GNAO1: variants seen among roughly 807,000 people sequenced by gnomAD.
The protein encoded by GNAO1 is G protein subunit alpha o1.
For synonymous variants in GNAO1, 164 were observed against 180.7 expected (o/e 0.91, Z 0.74); for missense variants, 166 against 478.7 (o/e 0.35, Z 6.10).
intron 3 of GNAO1, among the ~76,000 whole-genome samples, chr16:56,327,112 A>G (rs947186686): frequency 6.6e-6 from 1 of 152,132 alleles, no homozygotes; most frequent in Admixed American, 6.5e-5. Context: ...TGCCACAGCA[A>G]TGCTGTCTAC....
At chr16:56,196,746 C>T (rs995505463) in intron 2 of GNAO1, among the ~76,000 whole-genome samples, 1 of 152,148 alleles carries the variant, frequency 6.6e-6, no homozygotes, top group African/African-American at 2.4e-5. Context: ...TAGTCTTTAC[C>T]GAAATGGGCA....
intron 4 of GNAO1, chr16:56,329,023 C>T (rs1346819574): frequency 3.9e-6 from 2 of 518,390 alleles, no homozygotes; most frequent in Non-Finnish European, 6.9e-6. Flanking sequence ...GACAACCAAA[C>T]AGTGGAAATT....
intron 2 of GNAO1, among the ~76,000 whole-genome samples, chr16:56,253,771 G>A (rs1379591156): frequency 2.6e-5 from 4 of 152,222 alleles, no homozygotes; most frequent in African/African-American, 9.6e-5. Context: ...CAGAGTGGGG[G>A]ACATGTGGCA....
intron 2 of GNAO1, among the ~76,000 whole-genome samples, chr16:56,237,850 C>T (rs1308634761): frequency 2.0e-5 from 3 of 152,086 alleles, no homozygotes; most frequent in Non-Finnish European, 2.9e-5. Flanking sequence ...AGCAGCTGCA[C>T]GTTGCAAGGC....
chr16:56,330,893 C>T (rs1214352822), intron 4 of GNAO1, among the ~76,000 whole-genome samples: 1 of 152,248 alleles, frequency 6.6e-6, no homozygotes, highest in African/African-American at 2.4e-5. Context: ...TTACCATTCT[C>T]TTCTGTCACT....
Position 56,191,647 on chromosome 16 carries a change from C to G in GNAO1, c.-589C>G, listed in dbSNP as rs1434749983. ...GCCCGGCCCCCTGCCCAACCCTGCC[C>G]AGCGCGCGGGGGTCGGCGAAGGCGC... On this transcript the variant is annotated 5_prime_UTR_variant, in exon 1 of 9. Coordinates refer to ENST00000262493, the MANE Select transcript of GNAO1 (RefSeq NM_020988.3). The surrounding 1 kb of genome is among the most constrained non-coding windows in gnomAD (Gnocchi z 4.7). 1 of 155,718 alleles carries G rather than the reference C, an allele frequency of 6.4e-6. No individual in the cohort carries two copies. The highest frequency in any genetic ancestry group is 1.4e-5 in the Non-Finnish European group (1 of 70,274). The allele number at this position is 155,718 out of a possible 1,614,324, so 9.6% of individuals were successfully genotyped here. A position where few individuals can be genotyped will look rare whatever the true frequency, so the allele number is the denominator to read the frequency against.
intron 2 of GNAO1, among the ~76,000 whole-genome samples, chr16:56,269,096 C>T (rs1017583658): frequency 6.6e-6 from 1 of 152,188 alleles, no homozygotes; most frequent in African/African-American, 2.4e-5. Flanking sequence ...CACAGCTCTC[C>T]GTCAGTGTTC....
intron 6 of GNAO1, chr16:56,345,237 G>A (rs1016991265): frequency 1.2e-5 from 12 of 985,388 alleles, no homozygotes; most frequent in South Asian, 4.7e-5. Flanking sequence ...TGAGGCCAAC[G>A]CCCACACCCA....
chr16:56,221,135 G>A (rs772692173), intron 2 of GNAO1, among the ~76,000 whole-genome samples: 1 of 152,162 alleles, frequency 6.6e-6, no homozygotes, highest in Non-Finnish European at 1.5e-5. Flanking sequence ...ATGGGAGGAT[G>A]CTTCAAGAAG....
At position 56,351,316 on chromosome 16, in the gene GNAO1, T is replaced by G; in HGVS notation, c.724-68T>G. 8.5e-7 allele frequency: 1 copy of G among 1,173,422 alleles called. No individual in the cohort carries two copies. The highest frequency in any genetic ancestry group is 2.4e-5 in the East Asian group (1 of 41,918). The allele number at this position is 1,173,422 out of a possible 1,614,324, so 72.7% of individuals were successfully genotyped here. Reference sequence around the variant, plus strand: ...CTCTCTGTCAAGCCTAATTCTCTCCTTCTCTTTCCCTGTCTCTGTGTCTCC... The same window carrying G: ...CTCTCTGTCAAGCCTAATTCTCTCCGTCTCTTTCCCTGTCTCTGTGTCTCC... On this transcript the variant is annotated intron_variant, in intron 6 of 8. Coordinates refer to ENST00000262493, the MANE Select transcript of GNAO1 (RefSeq NM_020988.3). The surrounding 1 kb of genome is among the most constrained non-coding windows in gnomAD (Gnocchi z 6.1).
At chr16:56,258,039 A>G (rs1308709707) in intron 2 of GNAO1, among the ~76,000 whole-genome samples, 6 of 152,262 alleles carry the variant, frequency 3.9e-5, no homozygotes, top group African/African-American at 1.4e-4. Flanking sequence ...AAATAAAAAG[A>G]AAAGAAAAAC....
intron 3 of GNAO1, among the ~76,000 whole-genome samples, chr16:56,316,633 C>T (rs1404961695): frequency 6.6e-6 from 1 of 152,186 alleles, no homozygotes; most frequent in East Asian, 1.9e-4. Context: ...TGTCTCCCAC[C>T]ATCCACAAAC....
intron 3 of GNAO1, among the ~76,000 whole-genome samples, chr16:56,298,913 T>TAAA (rs1184597895): frequency 8.4e-6 from 1 of 119,648 alleles, no homozygotes. Context: ...AGACTCTGTC[T>TAAA]CAAAAAAAAA....
chr16:56,309,645 C>A (rs1176690867), intron 3 of GNAO1, among the ~76,000 whole-genome samples: 1 of 152,226 alleles, frequency 6.6e-6, no homozygotes, highest in African/African-American at 2.4e-5. Flanking sequence ...TCAGGCCTCA[C>A]AGGACCAGAA....
intron 6 of GNAO1, chr16:56,344,416 C>T (rs970155713): frequency 2.5e-5 from 25 of 1,006,254 alleles, no homozygotes; most frequent in Middle Eastern, 5.0e-4. Flanking sequence ...AGGGCAGTTC[C>T]GTCAACAAAA....
chr16:56,281,145 G>A (rs1269043025), intron 3 of GNAO1, among the ~76,000 whole-genome samples: 1 of 152,116 alleles, frequency 6.6e-6, no homozygotes, highest in Non-Finnish European at 1.5e-5. Flanking sequence ...AATTATATAT[G>A]TATACAGTGT....
chr16:56,291,267 T>C (rs1480263267), intron 3 of GNAO1, among the ~76,000 whole-genome samples: 1 of 152,238 alleles, frequency 6.6e-6, no homozygotes, highest in Non-Finnish European at 1.5e-5. Context: ...CTCCCCGTTC[T>C]CACTAATACA....
intron 6 of GNAO1, chr16:56,344,557 T>A: frequency 1.0e-6 from 1 of 986,486 alleles, no homozygotes; most frequent in Non-Finnish European, 1.2e-6. Context: ...GCCTTTGCTC[T>A]CCCAGAGAAC....
chr16:56,289,918 C>T (rs1407957447), intron 3 of GNAO1, among the ~76,000 whole-genome samples: 1 of 152,162 alleles, frequency 6.6e-6, no homozygotes, highest in Non-Finnish European at 1.5e-5. Flanking sequence ...CTCTTGCCTC[C>T]CACCCCGTAA....
Sources: gnomAD v4.1 joint callset for allele counts (sites outside exome capture counted in the v4.1 genomes callset) on GRCh38, gnomAD v4.1.1 for gene constraint, Gnocchi (gnomAD v3.1) non-coding constraint, MANE v1.5 for transcripts, NCBI Gene and HGNC (gene_info 2026-07-23, HGNC 2026-07-21) for gene names.